IFFO2: variants seen among roughly 807,000 people sequenced by gnomAD.
The protein encoded by IFFO2 is intermediate filament family orphan 2.
IFFO2 carries 19 observed loss-of-function variants against 53.5 expected under a neutral mutation model. That is an observed-to-expected ratio of 0.36 (90% confidence interval 0.25 to 0.52). The LOEUF (loss-of-function observed/expected upper bound fraction) is 0.52. Among genes scored for constraint, IFFO2 ranks in the 20% least tolerant of loss-of-function variants. The pLI, the probability that IFFO2 is intolerant of heterozygous loss-of-function variation, is 0.94. For missense variants in IFFO2, 570 were observed against 727.4 expected (o/e 0.78, Z 2.49); for synonymous variants, 303 against 313.6 (o/e 0.97, Z 0.36).
At chr1:18,954,980 G>A (rs1936705294) in intron 1 of IFFO2, among the ~76,000 whole-genome samples, 1 of 152,240 alleles carries the variant, frequency 6.6e-6, no homozygotes, top group Non-Finnish European at 1.5e-5. Context: ...AAAAGCTTGT[G>A]AGCAGTCTGT....
intron 1 of IFFO2, among the ~76,000 whole-genome samples, chr1:18,948,816 C>T (rs1936622578): frequency 6.6e-6 from 1 of 152,248 alleles, no homozygotes; most frequent in Non-Finnish European, 1.5e-5. Context: ...ACAGATCTGC[C>T]TCTGTAGGGC....
At position 18,918,756 on chromosome 1, in the gene IFFO2, A is replaced by G. The variant is rs940171413; in HGVS notation, c.823-254T>C. 2.6e-5 allele frequency among the ~76,000 whole-genome samples: 4 copies of G among 152,020 alleles called. No homozygotes were observed. Among genetic ancestry groups the G allele is most frequent in the African/African-American group, 9.7e-5 (4 of 41,384 alleles). ...CTGCTCTCCCTAAGGGCTGGAAGGC[A>G]TCCTCCCAGCAGACACAGGGTCCGT... On this transcript the variant is annotated intron_variant, in intron 3 of 8. Transcript: ENST00000455833. The surrounding 1 kb of genome is among the most constrained non-coding windows in gnomAD (Gnocchi z 5.2).
rs963203737 is a variant in IFFO2 at position 18,936,688 on chromosome 1, G to A, written c.666-15567C>T. 4.6e-5 allele frequency among the ~76,000 whole-genome samples: 7 copies of A among 152,198 alleles called. No homozygotes were observed. The highest frequency in any genetic ancestry group is 3.9e-4 in the East Asian group (2 of 5,192). ...GTAGGGCACCTCAGGGTAATCTCCC[G>A]CATACTTACTCACCCGCAGCCGCCC... is the stretch of plus-strand genomic sequence containing the variant. On this transcript the variant is annotated intron_variant, in intron 1 of 8. Coordinates refer to ENST00000455833, the MANE Select transcript of IFFO2 (RefSeq NM_001136265.2). The surrounding 1 kb of genome is among the most constrained non-coding windows in gnomAD (Gnocchi z 4.5).
At chr1:18,927,268 C>T (rs988401388) in intron 1 of IFFO2, among the ~76,000 whole-genome samples, 2 of 152,144 alleles carry the variant, frequency 1.3e-5, no homozygotes, top group East Asian at 3.9e-4. Context: ...CCACACCTTG[C>T]GGGAAGGCGA....
At chr1:18,950,351 A>T (rs995574484) in intron 1 of IFFO2, among the ~76,000 whole-genome samples, 1 of 152,148 alleles carries the variant, frequency 6.6e-6, no homozygotes, top group Admixed American at 6.5e-5. Context: ...TTGCCAGGGG[A>T]AGGGGGCTGG....
Position 18,918,862 on chromosome 1 carries a change from C to T in IFFO2, c.823-360G>A, listed in dbSNP as rs1023021118. Among the ~76,000 whole-genome samples, 7 of 152,176 alleles carry T rather than the reference C, an allele frequency of 4.6e-5. No homozygotes were observed. Among genetic ancestry groups the T allele is most frequent in the Admixed American group, 3.3e-4 (5 of 15,292 alleles). The stretch of plus-strand genomic sequence containing the variant: ...TTCTTTTCCCACCGGCACACCCCAC[C>T]TGTCCCCCACACAGGCAGCTCTCTC... On this transcript the variant is annotated intron_variant, in intron 3 of 8. Coordinates refer to ENST00000455833, the MANE Select transcript of IFFO2 (RefSeq NM_001136265.2). This position sits in a 1 kb window ranked among gnomAD's most constrained non-coding sequence, Gnocchi z 5.2.
At chr1:18,912,618 C>T (rs1460332117) in intron 5 of IFFO2, among the ~76,000 whole-genome samples, 1 of 152,196 alleles carries the variant, frequency 6.6e-6, no homozygotes, top group Non-Finnish European at 1.5e-5. Flanking sequence ...CATCAAGACA[C>T]TCCCCAAGCA....
At chr1:18,944,690 A>G (rs1383099210) in intron 1 of IFFO2, among the ~76,000 whole-genome samples, 1 of 152,050 alleles carries the variant, frequency 6.6e-6, no homozygotes, top group African/African-American at 2.4e-5. Flanking sequence ...ATGCGTGTAT[A>G]CACACACACA....
intron 5 of IFFO2, among the ~76,000 whole-genome samples, chr1:18,912,754 A>AGGAAACAGAGGCTCAGAG (rs1553157012): frequency 6.7e-6 from 1 of 149,520 alleles, no homozygotes; most frequent in African/African-American, 2.5e-5. Context: ...TTTGCAGGTG[A>AGGAAACAGAGGCTCAGAG]GGAAACAGAG....
At chr1:18,934,858 G>C (rs79820690) in intron 1 of IFFO2, among the ~76,000 whole-genome samples, 6,260 of 152,284 alleles carry the variant, frequency 0.041, 174 homozygotes, top group East Asian at 0.086. Context: ...TGGTTTGATG[G>C]GTCCTCCACT....
rs774442543 is a variant in IFFO2, at chr1:18,917,994, T to C, written c.963+368A>G. On this transcript the variant is annotated intron_variant, in intron 4 of 8. Transcript: ENST00000455833. The surrounding 1 kb of genome is among the most constrained non-coding windows in gnomAD (Gnocchi z 5.9). ...CAGGGTTCCCCAACCGTGGGGATGATGCCCAGTTCTGGCACCCAGAGGAAG... is the reference window on the plus strand; with the variant it reads ...CAGGGTTCCCCAACCGTGGGGATGACGCCCAGTTCTGGCACCCAGAGGAAG... Among the ~76,000 whole-genome samples the C allele has an allele frequency of 2.0e-5, 3 of 152,182 alleles. No individual in the cohort carries two copies. In the East Asian group the frequency reaches 5.8e-4, roughly 29 times the overall value.
rs6700659 is a variant in IFFO2, at chr1:18,917,986, G to A, written c.963+376C>T. Among the ~76,000 whole-genome samples the A allele has an allele frequency of 0.043, 6,581 of 152,294 alleles. 191 individuals are homozygous for A. The highest frequency in any genetic ancestry group is 0.087 in the East Asian group (452 of 5,176). On this transcript the variant is annotated intron_variant, in intron 4 of 8. Coordinates refer to ENST00000455833, the MANE Select transcript of IFFO2 (RefSeq NM_001136265.2). This position sits in a 1 kb window ranked among gnomAD's most constrained non-coding sequence, Gnocchi z 5.9. ...AACCTGGCCAGGGTTCCCCAACCGT[G>A]GGGATGATGCCCAGTTCTGGCACCC...
At chr1:18,926,111 ATG>A (rs1557643384) in intron 1 of IFFO2, among the ~76,000 whole-genome samples, 1 of 76,910 alleles carries the variant, frequency 1.3e-5, no homozygotes, top group African/African-American at 5.0e-5. Flanking sequence ...GATTGGTTGG[ATG>A]GATAGATGGA....
intron 1 of IFFO2, 40 bp downstream of exon 1, chr1:18,955,628 C>T (rs1190126913): frequency 6.6e-7 from 1 of 1,525,538 alleles, no homozygotes; most frequent in Non-Finnish European, 8.8e-7. Context: ...TGGACCTGGG[C>T]GCCCCGTCCC....
chr1:18,910,209 G>A, intron 8 of IFFO2, 133 bp downstream of exon 8: 5 of 1,020,434 alleles, frequency 4.9e-6, no homozygotes, highest in Non-Finnish European at 7.2e-6. Context: ...ATGGATGGAT[G>A]GATGGACGGA....
intron 1 of IFFO2, among the ~76,000 whole-genome samples, chr1:18,946,409 CTTTTTTTTTTTTTTT>C (rs71577809): frequency 1.0e-5 from 1 of 96,542 alleles, no homozygotes; most frequent in Non-Finnish European, 2.1e-5. Context: ...TTGCCACTTT[CTTTTTTTTTTTTTTT>C]TTTTTTTTGA....
intron 1 of IFFO2, among the ~76,000 whole-genome samples, chr1:18,923,426 C>G (rs1936241738): frequency 6.6e-6 from 1 of 152,224 alleles, no homozygotes; most frequent in African/African-American, 2.4e-5. Context: ...CCCAAGGTGA[C>G]AGCAGGAGCC....
chr1:18,916,317 A>G lies in IFFO2; in HGVS notation c.1103+586T>C, dbSNP rs114371827. On this transcript the variant is annotated intron_variant, in intron 5 of 8. Transcript: ENST00000455833. The surrounding 1 kb of genome is among the most constrained non-coding windows in gnomAD (Gnocchi z 4.3). ...GGCAGGAGAATGGCAGACAGGGAAC[A>G]TAAAGGATGCTGGCGAATGGAAGAG... Among the ~76,000 whole-genome samples the G allele has an allele frequency of 5.7e-3, 873 of 152,294 alleles. 7 individuals carry two copies. Among genetic ancestry groups the G allele is most frequent in the African/African-American group, 0.02 (811 of 41,550 alleles).
chr1:18,910,165 C>G (rs537906437), intron 8 of IFFO2, among the ~76,000 whole-genome samples, 177 bp downstream of exon 8: 3 of 151,976 alleles, frequency 2.0e-5, no homozygotes, highest in African/African-American at 7.2e-5. Flanking sequence ...AGGCATCTGG[C>G]ACATAGGTGT....
Sources: gnomAD v4.1 joint callset for allele counts (sites outside exome capture counted in the v4.1 genomes callset) on GRCh38, gnomAD v4.1.1 for gene constraint, Gnocchi (gnomAD v3.1) non-coding constraint, MANE v1.5 for transcripts, NCBI Gene and HGNC (gene_info 2026-07-23, HGNC 2026-07-21) for gene names.